The following MTHFD2L variants were observed in gnomAD, a reference collection of about 807,000 sequenced individuals.
MTHFD2L encodes the protein bifunctional methylenetetrahydrofolate dehydrogenase/cyclohydrolase 2, mitochondrial.
A neutral mutation model predicts 34.9 loss-of-function variants in MTHFD2L; 29 were observed. That is an observed-to-expected ratio of 0.83 (90% CI 0.62 to 1.13). The LOEUF is 1.13. Among genes scored for constraint, MTHFD2L ranks in the 50% most tolerant of loss-of-function variants. MTHFD2L has a pLI of 0.00. For missense variants in MTHFD2L, 481 were observed against 446.5 expected (o/e 1.08, Z -0.70); for synonymous variants, 167 against 155.7 (o/e 1.07, Z -0.54).
In MTHFD2L at chr4:74,301,770, G is replaced by C; in HGVS notation, c.1005G>C (p.Leu335=). 6.2e-7 allele frequency: 1 copy of C among 1,607,448 alleles called. No homozygotes were observed. Among genetic ancestry groups the C allele is most frequent in the Non-Finnish European group, 8.5e-7 (1 of 1,176,492 alleles). Residue 335 remains leucine, a synonymous_variant, in exon 8 of 8, where the codon CTG becomes CTC. Coordinates refer to ENST00000325278, the MANE Select transcript of MTHFD2L (RefSeq NM_001144978.3). ...GACCCATGACAGTGGCAATGCTTCTGAAGAACACCCTTCTGGCAGCTAAAA... is the reference window on the plus strand; with the variant it reads ...GACCCATGACAGTGGCAATGCTTCTCAAGAACACCCTTCTGGCAGCTAAAA... The part of the protein sequence containing the change: ...GVGPMTVAML[L]KNTLLAAKKI...
chr4:74,159,977 C>A, intron 1 of MTHFD2L: 1 of 1,031,242 alleles, frequency 9.7e-7, no homozygotes, highest in Non-Finnish European at 1.2e-6. Flanking sequence ...TGAGAAACAC[C>A]TGTGGACTGG....
intron 6 of MTHFD2L, among the ~76,000 whole-genome samples, chr4:74,261,372 C>T (rs1744664911): frequency 6.7e-6 from 1 of 149,740 alleles, no homozygotes; most frequent in South Asian, 2.1e-4. Flanking sequence ...AAATATATTC[C>T]ACTCACAGTA....
intron 3 of MTHFD2L, among the ~76,000 whole-genome samples, chr4:74,185,930 G>A (rs1731151387): frequency 6.6e-6 from 1 of 152,112 alleles, no homozygotes; most frequent in Non-Finnish European, 1.5e-5. Context: ...GACATTACAA[G>A]AAAGGAGAAT....
chr4:74,204,751 A>G (rs901857064), intron 5 of MTHFD2L, among the ~76,000 whole-genome samples: 3 of 152,188 alleles, frequency 2.0e-5, no homozygotes, highest in Admixed American at 1.3e-4. Context: ...ATTTTAAACT[A>G]GGTTATCCTG....
upstream of MTHFD2L, chr4:74,156,588 G>A (rs1217501534): frequency 6.6e-6 from 1 of 152,144 alleles, no homozygotes; most frequent in Non-Finnish European, 1.5e-5. Context: ...ATGGTTGCTG[G>A]ATTGCATGGT....
intron 3 of MTHFD2L, among the ~76,000 whole-genome samples, chr4:74,175,826 T>C (rs1167357121): frequency 2.0e-5 from 3 of 152,100 alleles, no homozygotes; most frequent in African/African-American, 7.2e-5. Flanking sequence ...TGTTTTTTAG[T>C]ACACTCTAAT....
chr4:74,175,140 T>C, intron 2 of MTHFD2L, 141 bp from the exon 3 acceptor site: 1 of 887,800 alleles, frequency 1.1e-6, no homozygotes, highest in Non-Finnish European at 1.7e-6. Context: ...ACCTGTACTA[T>C]TGGAGAAATC....
chr4:74,244,825 A>T (rs1377131062), intron 6 of MTHFD2L, among the ~76,000 whole-genome samples: 1 of 152,186 alleles, frequency 6.6e-6, no homozygotes, highest in Non-Finnish European at 1.5e-5. Flanking sequence ...CACAATTATC[A>T]TAAAAGGCTA....
intron 1 of MTHFD2L, among the ~76,000 whole-genome samples, chr4:74,163,908 C>G (rs1726029855): frequency 6.6e-6 from 1 of 152,142 alleles, no homozygotes; most frequent in African/African-American, 2.4e-5. Context: ...CAGAGTCTTG[C>G]TCTGTCACCC....
chr4:74,160,013 G>T (rs1725064813), intron 1 of MTHFD2L: 1 of 1,250,970 alleles, frequency 8.0e-7, no homozygotes, highest in South Asian at 1.3e-5. Flanking sequence ...GAGGAATTCG[G>T]ACAGTGTGTT....
At chr4:74,119,361 C>T (rs2109770030), upstream of MTHFD2L, among the ~76,000 whole-genome samples, 1 of 152,288 alleles carries the variant, frequency 6.6e-6, no homozygotes, top group South Asian at 2.1e-4. Context: ...TTGGTAAGCC[C>T]ACAAGCTAAC....
chr4:74,275,678 C>T (rs186055159), intron 6 of MTHFD2L, among the ~76,000 whole-genome samples: 3 of 151,178 alleles, frequency 2.0e-5, no homozygotes, highest in East Asian at 3.9e-4. Flanking sequence ...TTTTGATTTG[C>T]GTTTCTCTAA....
At chr4:74,119,586 AT>A (rs1721715626), upstream of MTHFD2L, among the ~76,000 whole-genome samples, 3 of 152,158 alleles carry the variant, frequency 2.0e-5, no homozygotes, top group African/African-American at 7.2e-5. Flanking sequence ...GATTGAGACC[AT>A]CCTGGCTAAC....
chr4:74,246,967 T>A (rs983446088), intron 6 of MTHFD2L, among the ~76,000 whole-genome samples: 8 of 151,992 alleles, frequency 5.3e-5, no homozygotes, highest in African/African-American at 1.9e-4. Flanking sequence ...TGCGGCCTCT[T>A]TTTTGGTTCC....
chr4:74,149,862 T>C (rs1413132525), intron 1 of MTHFD2L, among the ~76,000 whole-genome samples: 1 of 152,224 alleles, frequency 6.6e-6, no homozygotes, highest in African/African-American at 2.4e-5. Flanking sequence ...TCACCTTACA[T>C]GGCAAATGGT....
intron 6 of MTHFD2L, among the ~76,000 whole-genome samples, chr4:74,263,792 C>G (rs1269886903): frequency 1.7e-4 from 26 of 151,886 alleles, no homozygotes; most frequent in Admixed American, 1.7e-3. Flanking sequence ...GTTTGACTTC[C>G]TATTTAGATG....
At chr4:74,174,872 T>C (rs1728726623) in intron 2 of MTHFD2L, among the ~76,000 whole-genome samples, 182 bp downstream of exon 2, 1 of 152,180 alleles carries the variant, frequency 6.6e-6, no homozygotes, top group Non-Finnish European at 1.5e-5. Context: ...AAATTTCTTA[T>C]AGGGTTAATT....
chr4:74,294,131 T>C (rs1260620194), intron 7 of MTHFD2L, among the ~76,000 whole-genome samples: 4 of 152,160 alleles, frequency 2.6e-5, no homozygotes, highest in African/African-American at 9.7e-5. Flanking sequence ...CACAATACTA[T>C]AGGAACGTGA....
chr4:74,267,998 C>A (rs1745528799), intron 6 of MTHFD2L: 1 of 985,050 alleles, frequency 1.0e-6, no homozygotes, highest in African/African-American at 1.8e-5. Flanking sequence ...TTGTCCTTGG[C>A]ATGAATATTA....
Sources: allele counts gnomAD v4.1 joint callset (sites outside exome capture counted in the v4.1 genomes callset), GRCh38; gene constraint gnomAD v4.1.1; transcripts MANE v1.5; gene names NCBI Gene and HGNC (gene_info 2026-07-23, HGNC 2026-07-21).